The following GALNTL6 variants were observed in gnomAD, a reference collection of about 807,000 sequenced individuals.
GALNTL6 encodes polypeptide N-acetylgalactosaminyltransferase-like 6.
In GALNTL6, 46 loss-of-function variants were observed where a neutral mutation model predicts 73.7. That is an observed-to-expected ratio of 0.62 (90% confidence interval 0.49 to 0.80). The LOEUF is 0.80. Ranked by LOEUF, GALNTL6 falls within the 30% of genes least tolerant of loss-of-function variation. The pLI, the probability that GALNTL6 is intolerant of heterozygous loss-of-function variation, is 0.00. For missense variants in GALNTL6, 604 were observed against 755.0 expected (o/e 0.80, Z 2.34); for synonymous variants, 259 against 263.7 (o/e 0.98, Z 0.17).
chr4:172,582,715 TC>T (rs1374696488), intron 5 of GALNTL6, among the ~76,000 whole-genome samples: 8 of 150,658 alleles, frequency 5.3e-5, no homozygotes, highest in Non-Finnish European at 1.2e-4. Flanking sequence ...CTCAGAGAAT[TC>T]CAGTACTCAT....
intron 5 of GALNTL6, among the ~76,000 whole-genome samples, chr4:172,753,708 A>T (rs541977107): frequency 2.6e-5 from 4 of 152,356 alleles, no homozygotes; most frequent in Non-Finnish European, 5.9e-5. Flanking sequence ...AACCACAATT[A>T]TATAATAATT....
chr4:172,058,868 G>A (rs539664551), intron 2 of GALNTL6, among the ~76,000 whole-genome samples: 5 of 152,120 alleles, frequency 3.3e-5, no homozygotes, highest in African/African-American at 1.2e-4. Context: ...TTTAGAAGAC[G>A]GTGACTTGAG....
intron 5 of GALNTL6, among the ~76,000 whole-genome samples, chr4:172,468,899 T>C (rs1732937069): frequency 6.6e-6 from 1 of 152,184 alleles, no homozygotes; most frequent in South Asian, 2.1e-4. Context: ...AACCTATTCT[T>C]CCTTTTCAGC....
At chr4:172,452,403 C>G (rs1579084256) in intron 5 of GALNTL6, among the ~76,000 whole-genome samples, 1 of 152,114 alleles carries the variant, frequency 6.6e-6, no homozygotes, top group East Asian at 1.9e-4. Context: ...GCTGCCCTAC[C>G]CCTAACAAGC....
intron 5 of GALNTL6, among the ~76,000 whole-genome samples, chr4:172,595,634 T>G (rs1389348770): frequency 6.6e-6 from 1 of 152,228 alleles, no homozygotes; most frequent in Non-Finnish European, 1.5e-5. Context: ...GGTAACAAAG[T>G]GAAATTCACA....
rs1441765777 is a variant in GALNTL6, at chr4:173,009,171, T to A, written c.1372-7T>A. ...CCCACACTCAAAATTCTTTCTTCTT[T>A]CCACAGATCCGAAATGTGGCAGCAA... On this transcript the variant is annotated splice_region_variant and splice_polypyrimidine_tract_variant and intron_variant, in intron 10 of 12. Coordinates refer to ENST00000506823, the MANE Select transcript of GALNTL6 (RefSeq NM_001034845.3). 6.2e-7 allele frequency: 1 copy of A among 1,605,578 alleles called. No individual in the cohort carries two copies. The highest frequency in any genetic ancestry group is 8.5e-7 in the Non-Finnish European group (1 of 1,172,130).
Position 172,760,784 on chromosome 4 carries a change from G to A in GALNTL6, c.554-48577G>A, listed in dbSNP as rs1444606664. On this transcript the variant is annotated intron_variant, in intron 5 of 12. Coordinates refer to ENST00000506823, the MANE Select transcript of GALNTL6 (RefSeq NM_001034845.3). ...CGCCCCACCGACTACCCCCCACAAT[G>A]TGGGTCCTGACCAGCAGGGGATAGG... Among the ~76,000 whole-genome samples, 4 of 152,228 alleles carry A rather than the reference G, an allele frequency of 2.6e-5. No individual in the cohort carries two copies. The South Asian group carries it at 8.3e-4, about 32-fold the overall frequency.
intron 5 of GALNTL6, among the ~76,000 whole-genome samples, chr4:172,377,931 T>C (rs1579012673): frequency 7.1e-6 from 1 of 140,848 alleles, no homozygotes; most frequent in African/African-American, 2.7e-5. Flanking sequence ...CCTCCACACC[T>C]CCCCACAAGC....
Position 173,010,767 on chromosome 4 carries a change from G to GTTT in GALNTL6, c.1488+1474_1488+1475insTTT, listed in dbSNP as rs1276390626. Among the ~76,000 whole-genome samples, 91 of 134,046 alleles carry GTTT rather than the reference G, an allele frequency of 6.8e-4. No individual in the cohort carries two copies. In the East Asian group the frequency reaches 0.013, roughly 20 times the overall value. The allele number at this position is 134,046 out of a possible 152,430, so 87.9% of individuals were successfully genotyped here. A position where few individuals can be genotyped will look rare whatever the true frequency, so the allele number is the denominator to read the frequency against. On this transcript the variant is annotated intron_variant, in intron 11 of 12. Coordinates refer to ENST00000506823, the MANE Select transcript of GALNTL6 (RefSeq NM_001034845.3). ...ACACCACCATGCCCAGCTAATTTTT[G>GTTT]TATTTTTTTTTTTTTTTTTAGTAGA... is the stretch of plus-strand genomic sequence containing the variant.
At chr4:173,010,920 G>A (rs930041846) in intron 11 of GALNTL6, among the ~76,000 whole-genome samples, 5 of 151,910 alleles carry the variant, frequency 3.3e-5, no homozygotes, top group Non-Finnish European at 4.4e-5. Context: ...TTAGTTTTTT[G>A]AGGAACCTCC....
chr4:171,949,516 G>GA (rs1431297681), intron 2 of GALNTL6, among the ~76,000 whole-genome samples: 8 of 152,098 alleles, frequency 5.3e-5, no homozygotes, highest in Non-Finnish European at 1.2e-4. Context: ...CCTGAGAGGG[G>GA]AAAAAAGCGT....
intron 5 of GALNTL6, among the ~76,000 whole-genome samples, chr4:172,759,852 C>T (rs1227179983): frequency 2.7e-5 from 3 of 109,226 alleles, no homozygotes; most frequent in Admixed American, 1.3e-4. Flanking sequence ...TTTTTTGAGA[C>T]GGAGTCTCGC....
chr4:171,923,522 A>G (rs558694411), intron 2 of GALNTL6, among the ~76,000 whole-genome samples: 1 of 149,358 alleles, frequency 6.7e-6, no homozygotes, highest in South Asian at 2.1e-4. Context: ...CTCAGCCTCC[A>G]GAGTAGCAGG....
intron 5 of GALNTL6, among the ~76,000 whole-genome samples, chr4:172,379,516 G>A (rs67969576): frequency 0.17 from 18,981 of 114,598 alleles, 1,612 homozygotes; most frequent in Middle Eastern, 0.32. Flanking sequence ...CGGCCTGGGC[G>A]ACAGAGCGAG....
At chr4:172,074,502 C>T (rs1731644912) in intron 2 of GALNTL6, among the ~76,000 whole-genome samples, 1 of 152,084 alleles carries the variant, frequency 6.6e-6, no homozygotes, top group South Asian at 2.1e-4. Context: ...TTGCCTTTGT[C>T]TGTGGGAACT....
rs151189341 is a variant in GALNTL6, at chr4:171,834,773, C to T, written c.138+20055C>T. Among the ~76,000 whole-genome samples the T allele has an allele frequency of 6.8e-4, 104 of 151,880 alleles. 2 individuals are homozygous for T. The highest frequency in any genetic ancestry group is 3.4e-3 in the Middle Eastern group (1 of 292). On this transcript the variant is annotated intron_variant, in intron 2 of 12. Transcript: ENST00000506823. ...TGGCACAGGCAAGAGGGGTAAAGGA[C>T]GAGAGGCGTAAGTCAGACATGCTTA...
chr4:172,613,177 G>C (rs935931320), intron 5 of GALNTL6, among the ~76,000 whole-genome samples: 2 of 152,084 alleles, frequency 1.3e-5, no homozygotes, highest in African/African-American at 4.8e-5. Flanking sequence ...ATAGATGCTG[G>C]GGGAAGGGAG....
rs140891893 is a variant in GALNTL6, at chr4:172,842,073, A to G, written c.923+28350A>G. Among the ~76,000 whole-genome samples the G allele has an allele frequency of 1.2e-3, 189 of 152,348 alleles. 1 individual carries two copies. The highest frequency in any genetic ancestry group is 3.9e-3 in the African/African-American group (161 of 41,584). On this transcript the variant is annotated intron_variant, in intron 7 of 12. Transcript: ENST00000506823. ...TCACCAATAAGAAAACAGGCTCACA[A>G]GGATGAAGTGACTTACTCAAGTCAG...
chr4:172,503,468 A>G (rs1285944153), intron 5 of GALNTL6, among the ~76,000 whole-genome samples: 1 of 148,856 alleles, frequency 6.7e-6, no homozygotes, highest in African/African-American at 2.5e-5. Flanking sequence ...CAATTTTTCA[A>G]TACAGGATCA....
Sources: gnomAD v4.1 joint callset for allele counts (sites outside exome capture counted in the v4.1 genomes callset) on GRCh38, gnomAD v4.1.1 for gene constraint, MANE v1.5 for transcripts, NCBI Gene and HGNC (gene_info 2026-07-23, HGNC 2026-07-21) for gene names.